Variants in NLGN1 observed in about 807,000 individuals in gnomAD.
NLGN1 encodes neuroligin-1.
A neutral mutation model predicts 65.5 loss-of-function variants in NLGN1; 12 were observed. That is an observed-to-expected ratio of 0.18 (90% confidence interval 0.12 to 0.30). NLGN1 has a LOEUF of 0.30. NLGN1 is among the 10% of genes least tolerant of loss of function. The pLI, the probability that NLGN1 is intolerant of heterozygous loss-of-function variation, is 1.00. For missense variants in NLGN1, 750 were observed against 1,007.1 expected, an observed-to-expected ratio of 0.74 and a Z score of 3.46; for synonymous variants, 350 against 359.5, an observed-to-expected ratio of 0.97 and a Z score of 0.30.
At chr3:173,785,039 CACAA>C (rs1293391159) in intron 3 of NLGN1, among the ~76,000 whole-genome samples, 4 of 152,154 alleles carry the variant, frequency 2.6e-5, no homozygotes, top group African/African-American at 4.8e-5. Context: ...CATTTATGCA[CACAA>C]ACATAGACAT....
intron 2 of NLGN1, among the ~76,000 whole-genome samples, chr3:173,602,918 A>G (rs73181069): frequency 0.086 from 13,146 of 152,194 alleles, 737 homozygotes; most frequent in South Asian, 0.21. Context: ...TCTTTTGTAT[A>G]TTAATGTGCT....
intron 4 of NLGN1, among the ~76,000 whole-genome samples, chr3:173,930,897 C>T (rs79308925): frequency 0.011 from 1,667 of 152,264 alleles, 38 homozygotes; most frequent in African/African-American, 0.034. Flanking sequence ...AGTCACTAAG[C>T]TCTCTGATGT....
intron 4 of NLGN1, among the ~76,000 whole-genome samples, chr3:173,819,394 C>G (rs1448962308): frequency 6.6e-6 from 1 of 152,158 alleles, no homozygotes; most frequent in East Asian, 1.9e-4. Flanking sequence ...ACTCTCGGAT[C>G]CATTCCACAG....
intron 4 of NLGN1, among the ~76,000 whole-genome samples, chr3:174,201,151 G>A (rs1033074786): frequency 5.3e-5 from 8 of 151,798 alleles, no homozygotes; most frequent in African/African-American, 1.7e-4. Context: ...GGTGGGAGGA[G>A]AGCATGAACC....
intron 4 of NLGN1, among the ~76,000 whole-genome samples, chr3:174,253,404 C>G (rs1745120300): frequency 6.6e-6 from 1 of 152,142 alleles, no homozygotes; most frequent in South Asian, 2.1e-4. Flanking sequence ...GAGAGTATGC[C>G]TCACTGCATA....
exon 7 of NLGN1, chr3:174,281,355 C>A: frequency 8.6e-7 from 1 of 1,159,652 alleles, no homozygotes; most frequent in Non-Finnish European, 1.2e-6. Flanking sequence ...TAAACGATCA[C>A]TGAAGATTCC....
At chr3:173,796,853 A>T (rs1488631930) in intron 3 of NLGN1, among the ~76,000 whole-genome samples, 2 of 152,158 alleles carry the variant, frequency 1.3e-5, no homozygotes, top group Admixed American at 6.6e-5. Context: ...TGAGGAAATG[A>T]TGTTGCTCAA....
chr3:173,420,251 G>A (rs565684092), intron 1 of NLGN1, among the ~76,000 whole-genome samples: 42 of 151,736 alleles, frequency 2.8e-4, no homozygotes, highest in African/African-American at 9.7e-4. Flanking sequence ...AACAGTCCCC[G>A]GTGTGTGATG....
At chr3:173,917,841 T>TTGTGTGTGTGTGTGTGTGTGTGTGTGTG (rs145802137) in intron 4 of NLGN1, among the ~76,000 whole-genome samples, 64 of 146,488 alleles carry the variant, frequency 4.4e-4, no homozygotes, top group African/African-American at 1.5e-3. Flanking sequence ...CAAAGCAACA[T>TTGTGTGTGTGTGTGTGTGTGTGTGTGTG]TGTGTGTGTG....
intron 3 of NLGN1, among the ~76,000 whole-genome samples, chr3:173,660,049 G>T (rs1760694492): frequency 6.6e-6 from 1 of 151,858 alleles, no homozygotes; most frequent in African/African-American, 2.4e-5. Context: ...CTCCTATTCT[G>T]AGGACATAGT....
chr3:173,448,907 C>T (rs1357781305), intron 2 of NLGN1, among the ~76,000 whole-genome samples: 3 of 151,916 alleles, frequency 2.0e-5, no homozygotes, highest in Admixed American at 6.6e-5. Flanking sequence ...TCAGTGGTGA[C>T]ATCCCCTTTT....
intron 3 of NLGN1, among the ~76,000 whole-genome samples, chr3:173,800,977 C>A (rs1715354702): frequency 6.6e-6 from 1 of 151,856 alleles, no homozygotes; most frequent in Non-Finnish European, 1.5e-5. Context: ...ATTGTACAAC[C>A]ATTTAAGTAT....
At chr3:173,579,678 T>G (rs1466731228) in intron 2 of NLGN1, among the ~76,000 whole-genome samples, 1 of 152,254 alleles carries the variant, frequency 6.6e-6, no homozygotes, top group East Asian at 1.9e-4. Flanking sequence ...AGCAGGATTG[T>G]GGGAGTAGAT....
intron 4 of NLGN1, among the ~76,000 whole-genome samples, chr3:174,077,209 A>T (rs1345797300): frequency 1.3e-5 from 2 of 152,012 alleles, no homozygotes; most frequent in Non-Finnish European, 2.9e-5. Flanking sequence ...ACCTATTCCC[A>T]CTTTTAAAAT....
intron 4 of NLGN1, among the ~76,000 whole-genome samples, chr3:174,007,666 G>A (rs535755978): frequency 5.6e-4 from 85 of 152,342 alleles, no homozygotes; most frequent in African/African-American, 2.0e-3. Flanking sequence ...TGCACTGGAT[G>A]AAATAAGCCC....
intron 4 of NLGN1, among the ~76,000 whole-genome samples, chr3:173,852,228 C>T (rs1447205069): frequency 1.5e-4 from 22 of 150,420 alleles, no homozygotes; most frequent in Non-Finnish European, 5.9e-5. Flanking sequence ...TGGTAGCGGG[C>T]GCCTGTAGTC....
intron 4 of NLGN1, among the ~76,000 whole-genome samples, chr3:173,826,107 A>G (rs2150563167): frequency 6.6e-6 from 1 of 152,174 alleles, no homozygotes; most frequent in Admixed American, 6.6e-5. Flanking sequence ...GTCAGCCATG[A>G]TAGGCAACAT....
intron 3 of NLGN1, among the ~76,000 whole-genome samples, chr3:173,607,760 G>A (rs1032155319): frequency 7.3e-5 from 11 of 151,112 alleles, no homozygotes; most frequent in Non-Finnish European, 5.9e-5. Context: ...TGCCAAGAGT[G>A]TATAAATGAT....
intron 4 of NLGN1, among the ~76,000 whole-genome samples, chr3:173,994,639 A>G (rs1721902143): frequency 6.6e-6 from 1 of 152,178 alleles, no homozygotes; most frequent in Non-Finnish European, 1.5e-5. Flanking sequence ...TTTAGCAAAG[A>G]TCCAGGCAAA....
Sources: allele counts gnomAD v4.1 joint callset (sites outside exome capture counted in the v4.1 genomes callset), GRCh38; gene constraint gnomAD v4.1.1; transcripts MANE v1.5; gene names NCBI Gene and HGNC (gene_info 2026-07-23, HGNC 2026-07-21).